FAAH2: variants seen among roughly 807,000 people sequenced by gnomAD.
FAAH2 encodes fatty-acid amide hydrolase 2.
In FAAH2, 60 loss-of-function variants were observed where a neutral mutation model predicts 36.9. The observed-to-expected ratio is 1.63, with a 90% confidence interval of 1.32 to 2.02. The LOEUF is 2.02. Among genes scored for constraint, FAAH2 ranks in the 30% most tolerant of loss-of-function variants. FAAH2 has a pLI of 0.00. For synonymous variants in FAAH2, 214 were observed against 143.8 expected, an observed-to-expected ratio of 1.49 and a Z score of -3.49; for missense variants, 689 against 397.5, an observed-to-expected ratio of 1.73 and a Z score of -6.23.
intron 10 of FAAH2, among the ~76,000 whole-genome samples, chrX:57,485,595 G>A (rs2057459955): frequency 9.0e-6 from 1 of 111,561 alleles, no homozygotes. Context: ...TATTTTGATA[G>A]CGTCCCATAA....
chrX:57,371,820 C>T (rs1427676061), intron 5 of FAAH2, among the ~76,000 whole-genome samples: 1 of 111,316 alleles, frequency 9.0e-6, no homozygotes, highest in African/African-American at 3.3e-5. Flanking sequence ...ACCTTGTAGC[C>T]CCCAGTGTCT....
rs971555707 is a variant in FAAH2 at position 57,402,160 on chromosome X, C to A, written c.996+21131C>A. 1.8e-4 allele frequency among the ~76,000 whole-genome samples: 20 copies of A among 112,086 alleles called. No homozygotes were observed. The Admixed American group carries it at 1.8e-3, about 10-fold the overall frequency. On this transcript the variant is annotated intron_variant, in intron 7 of 10. Coordinates refer to ENST00000374900, the MANE Select transcript of FAAH2 (RefSeq NM_174912.4). ...GGCTCTTGCCCAGGGCACCCTCAGT[C>A]CTGCTGCTGGATCATCTGGTTAGTG...
chrX:57,325,130 C>T (rs930975904), intron 3 of FAAH2, among the ~76,000 whole-genome samples: 1 of 111,883 alleles, frequency 8.9e-6, no homozygotes, highest in Non-Finnish European at 1.9e-5. Flanking sequence ...TGTTTATATG[C>T]TGGATTGCAT....
At chrX:57,484,716 T>C (rs2057443075) in intron 10 of FAAH2, among the ~76,000 whole-genome samples, 1 of 111,410 alleles carries the variant, frequency 9.0e-6, no homozygotes, top group African/African-American at 3.3e-5. Flanking sequence ...GTGGTGAGTG[T>C]CATTTGTGGT....
chrX:57,469,745 G>A lies in FAAH2; in HGVS notation c.1424-19012G>A, dbSNP rs185134047. Among the ~76,000 whole-genome samples the A allele has an allele frequency of 7.2e-3, 806 of 111,485 alleles. 4 individuals are homozygous for A. The highest frequency in any genetic ancestry group is 0.014 in the Middle Eastern group (3 of 217). On this transcript the variant is annotated intron_variant, in intron 10 of 10. Transcript: ENST00000374900. Reference sequence around the variant, plus strand: ...AATTGAACTCAGCTCTGCACCAAGCGGACCTAATAGACATCCACAGAAGTC... The same window carrying A: ...AATTGAACTCAGCTCTGCACCAAGCAGACCTAATAGACATCCACAGAAGTC...
chrX:57,431,323 T>A (rs901846674), intron 7 of FAAH2, among the ~76,000 whole-genome samples: 3 of 111,618 alleles, frequency 2.7e-5, no homozygotes, highest in Non-Finnish European at 5.6e-5. Context: ...TTCTCAGAGC[T>A]TAAGTTGTAT....
chrX:57,148,550 T>C, the FAAH2 span, among the ~76,000 whole-genome samples: 1 of 111,441 alleles, frequency 9.0e-6, no homozygotes, highest in Non-Finnish European at 1.9e-5. Context: ...CACTCATGAT[T>C]TGGCTCTGTT....
the FAAH2 span, among the ~76,000 whole-genome samples, chrX:57,247,699 C>A: frequency 8.9e-6 from 1 of 111,825 alleles, no homozygotes; most frequent in Non-Finnish European, 1.9e-5. Flanking sequence ...AGTAAAAGAC[C>A]AGGACAAGTG....
chrX:57,204,868 T>C, the FAAH2 span, among the ~76,000 whole-genome samples: 1 of 112,521 alleles, frequency 8.9e-6, no homozygotes, highest in East Asian at 2.8e-4. Context: ...GGCATGTCCT[T>C]GAGAATTATA....
chrX:57,322,930 C>A, intron 3 of FAAH2, among the ~76,000 whole-genome samples: 1 of 109,829 alleles, frequency 9.1e-6, no homozygotes, highest in Non-Finnish European at 1.9e-5. Context: ...TGTGCTGCAC[C>A]CATTAACTTG....
rs2056312446 is a variant in FAAH2 at position 57,431,943 on chromosome X, T to C, written c.1022T>C (p.Leu341Pro). The change falls in exon 8 of 11, where the codon CTA (leucine) becomes CCA (proline). Residue 341 changes from leucine (L) to proline (P), a missense_variant. By Grantham distance (98) the Leu-to-Pro change is moderately conservative (BLOSUM62 -3). Transcript: ENST00000374900. ...GTTGTGGTTCACCTTGAAACTATTC[T>C]AGGAGCCTCAGTTCAACATGTTAAA... ...KKVVVHLETI[L>P]GASVQHVKLK... 1.7e-6 allele frequency: 2 copies of C among 1,202,573 alleles called. No individual in the cohort carries two copies. The highest frequency in any genetic ancestry group is 2.2e-6 in the Non-Finnish European group (2 of 889,327).
At chrX:57,152,815 C>T in the FAAH2 span, among the ~76,000 whole-genome samples, 175 of 111,268 alleles carry the variant, frequency 1.6e-3, no homozygotes, top group African/African-American at 5.5e-3. Context: ...GAGATGAACC[C>T]GGTACCTCAG....
chrX:57,175,170 T>C, the FAAH2 span, among the ~76,000 whole-genome samples: 1 of 111,700 alleles, frequency 9.0e-6, no homozygotes, highest in African/African-American at 3.2e-5. Context: ...GTCAGTGGAG[T>C]GTTGAAGTCC....
At chrX:57,484,257 C>G (rs2057433888) in intron 10 of FAAH2, among the ~76,000 whole-genome samples, 1 of 111,041 alleles carries the variant, frequency 9.0e-6, no homozygotes, top group African/African-American at 3.3e-5. Context: ...ATGCCCTGAG[C>G]TTGCTTCTTA....
intron 3 of FAAH2, among the ~76,000 whole-genome samples, chrX:57,322,703 C>T (rs1157038177): frequency 9.0e-6 from 1 of 111,207 alleles, no homozygotes; most frequent in East Asian, 2.8e-4. Context: ...TTAAAAAATT[C>T]TTTTTTCTTT....
intron 3 of FAAH2, among the ~76,000 whole-genome samples, chrX:57,327,784 A>G (rs548565775): frequency 9.0e-6 from 1 of 111,558 alleles, no homozygotes; most frequent in South Asian, 3.8e-4. Context: ...CATGGGTTCA[A>G]ACTTCCTCCT....
At chrX:57,385,102 G>A (rs1246235921) in intron 7 of FAAH2, among the ~76,000 whole-genome samples, 5 of 109,875 alleles carry the variant, frequency 4.6e-5, no homozygotes, top group Non-Finnish European at 9.5e-5. Flanking sequence ...GACACAGGAA[G>A]GGGAACATCA....
chrX:57,220,488 C>G, the FAAH2 span, among the ~76,000 whole-genome samples: 3 of 111,513 alleles, frequency 2.7e-5, no homozygotes, highest in Non-Finnish European at 5.6e-5. Flanking sequence ...CCTAATCCAC[C>G]CCCAATGTTT....
intron 10 of FAAH2, among the ~76,000 whole-genome samples, chrX:57,479,194 GGT>G (rs2057330824): frequency 9.0e-6 from 1 of 111,121 alleles, no homozygotes; most frequent in Non-Finnish European, 1.9e-5. Flanking sequence ...TCCTTGAAGA[GGT>G]CCTTCACGTC....
Sources: allele counts gnomAD v4.1 joint callset (sites outside exome capture counted in the v4.1 genomes callset), GRCh38; gene constraint gnomAD v4.1.1; transcripts MANE v1.5; gene names NCBI Gene and HGNC (gene_info 2026-07-23, HGNC 2026-07-21).